CACNA1E: variants seen among roughly 807,000 people sequenced by gnomAD.
CACNA1E encodes the protein voltage-dependent R-type calcium channel subunit alpha-1E.
In CACNA1E, 40 loss-of-function variants were observed where a neutral mutation model predicts 259.2. The ratio of observed to expected loss-of-function variants is 0.15; its 90% confidence interval spans 0.12 to 0.20. CACNA1E has a LOEUF of 0.20. Among genes scored for constraint, CACNA1E ranks in the 10% least tolerant of loss-of-function variants. The pLI, the probability that CACNA1E is intolerant of heterozygous loss-of-function variation, is 1.00. For synonymous variants in CACNA1E, 1,104 were observed against 1,138.5 expected (o/e 0.97, Z 0.61); for missense variants, 1,874 against 3,040.1 (o/e 0.62, Z 9.02).
intron 38 of CACNA1E, among the ~76,000 whole-genome samples, chr1:181,778,730 G>T (rs960598677): frequency 6.6e-6 from 1 of 152,190 alleles, no homozygotes; most frequent in Admixed American, 6.5e-5. Context: ...CCAAGCTGCT[G>T]TTGGCTGAGT....
In CACNA1E at chr1:181,732,542, C is replaced by T. The variant is rs866117834; in HGVS notation, c.2456C>T (p.Pro819Leu). Reference sequence around the variant, plus strand: ...CTCAACCCGCTCAGCTCCCTCAACCCGCTCAATGCCCACCCCAGCCTTTAT... The same window carrying T: ...CTCAACCCGCTCAGCTCCCTCAACCTGCTCAATGCCCACCCCAGCCTTTAT... ...NPLNPLSSLN[P>L]LNAHPSLYRR... Residue 819 changes from proline to leucine, a missense_variant, in exon 20 of 48, where the codon CCG becomes CTG. Around this residue, in one of 14 missense-constraint regions of CACNA1E, gnomAD observed 476 missense variants for 514.0 expected, o/e 0.93. Transcript: ENST00000367573. This position sits in a 1 kb window ranked among gnomAD's most constrained non-coding sequence, Gnocchi z 5.5. 4.9e-5 allele frequency: 76 copies of T among 1,550,152 alleles called. No individual in the cohort carries two copies. Among genetic ancestry groups the T allele is most frequent in the Middle Eastern group, 1.7e-4 (1 of 6,006 alleles).
At chr1:181,405,867 A>C (rs1188479919) in intron 1 of CACNA1E, among the ~76,000 whole-genome samples, 1 of 152,162 alleles carries the variant, frequency 6.6e-6, no homozygotes, top group Non-Finnish European at 1.5e-5. Context: ...TGGAGAGAAA[A>C]AGAGTTTAGG....
rs139250846 is a variant in CACNA1E, at chr1:181,516,820, A to G, written c.512+5310A>G. ...TCTATTTTCCTAAGAAAACCCCCAA[A>G]TCAGCTCAAAATATGCTCTTTCCTG... On this transcript the variant is annotated intron_variant, in intron 3 of 47. Coordinates refer to ENST00000367573, the MANE Select transcript of CACNA1E (RefSeq NM_001205293.3). Among the ~76,000 whole-genome samples, 296 of 152,308 alleles carry G rather than the reference A, an allele frequency of 1.9e-3. 2 individuals carry two copies. Among genetic ancestry groups the G allele is most frequent in the African/African-American group, 6.6e-3 (276 of 41,564 alleles).
At chr1:181,740,181 C>T (rs1656429938) in intron 25 of CACNA1E, among the ~76,000 whole-genome samples, 1 of 152,162 alleles carries the variant, frequency 6.6e-6, no homozygotes, top group African/African-American at 2.4e-5. Context: ...AAGTGGAAGC[C>T]TCATCTTTAG....
intron 2 of CACNA1E, among the ~76,000 whole-genome samples, chr1:181,416,810 G>T (rs1441177030): frequency 1.3e-5 from 2 of 152,078 alleles, no homozygotes; most frequent in Non-Finnish European, 2.9e-5. Context: ...ACCCCTCGTT[G>T]CCACCATCTA....
At chr1:181,335,730 G>T (rs561572769) in intron 1 of CACNA1E, among the ~76,000 whole-genome samples, 4 of 152,200 alleles carry the variant, frequency 2.6e-5, no homozygotes, top group African/African-American at 9.6e-5. Context: ...TGGAAATCAT[G>T]TCTGTAATTT....
At chr1:181,548,903 C>T (rs1345803391) in intron 3 of CACNA1E, among the ~76,000 whole-genome samples, 1 of 152,172 alleles carries the variant, frequency 6.6e-6, no homozygotes, top group African/African-American at 2.4e-5. Flanking sequence ...ATTGTTTTCT[C>T]TGTGGCACAG....
intron 17 of CACNA1E, 129 bp downstream of exon 17, chr1:181,724,666 C>G: frequency 2.8e-6 from 2 of 722,894 alleles, no homozygotes; most frequent in Non-Finnish European, 4.7e-6. Context: ...CTGGAAACTT[C>G]TGGACAGTTG....
At chr1:181,363,509 G>A (rs1654042704) in intron 1 of CACNA1E, among the ~76,000 whole-genome samples, 1 of 152,162 alleles carries the variant, frequency 6.6e-6, no homozygotes, top group South Asian at 2.1e-4. Context: ...CAGAGGTAAG[G>A]GACTAGAGGG....
intron 1 of CACNA1E, among the ~76,000 whole-genome samples, chr1:181,410,310 G>C (rs1221025494): frequency 1.3e-5 from 2 of 152,214 alleles, no homozygotes; most frequent in East Asian, 3.8e-4. Flanking sequence ...TCCTTACCAA[G>C]CTCATTCTGG....
chr1:181,350,369 A>C (rs966606556), intron 1 of CACNA1E, among the ~76,000 whole-genome samples: 11 of 152,158 alleles, frequency 7.2e-5, no homozygotes, highest in Admixed American at 3.3e-4. Flanking sequence ...GAACAGGGCA[A>C]AAAGGAGATC....
intron 2 of CACNA1E, among the ~76,000 whole-genome samples, chr1:181,475,485 G>A (rs1217607022): frequency 6.6e-6 from 1 of 152,204 alleles, no homozygotes; most frequent in Admixed American, 6.5e-5. Context: ...GGATGCCTAG[G>A]AGTGGGAGAA....
rs376498961 is a variant in CACNA1E, at chr1:181,403,913, T to C, written c.-14-9220T>C. On this transcript the variant is annotated intron_variant, in intron 1 of 11. Transcript: ENST00000524607. ...CAGGCTTATCCTCAGCTGGCAGTGA[T>C]GTGGTGGCAGCGGTTTCACAGTTTG... Among the ~76,000 whole-genome samples the C allele has an allele frequency of 1.3e-4, 20 of 152,188 alleles. 1 individual carries two copies. The highest frequency in any genetic ancestry group is 1.3e-3 in the Admixed American group (20 of 15,284).
intron 1 of CACNA1E, among the ~76,000 whole-genome samples, chr1:181,325,367 G>C (rs971302972): frequency 6.6e-6 from 1 of 152,174 alleles, no homozygotes; most frequent in African/African-American, 2.4e-5. Flanking sequence ...AGACCAGTCT[G>C]GGGGTACATG....
At chr1:181,523,192 G>A (rs1391287860) in intron 3 of CACNA1E, among the ~76,000 whole-genome samples, 3 of 152,142 alleles carry the variant, frequency 2.0e-5, no homozygotes, top group Non-Finnish European at 4.4e-5. Flanking sequence ...ATCTGATCAG[G>A]TCAAAGTTTG....
At chr1:181,696,775 A>G (rs897126364) in intron 7 of CACNA1E, among the ~76,000 whole-genome samples, 2 of 152,206 alleles carry the variant, frequency 1.3e-5, no homozygotes, top group Non-Finnish European at 1.5e-5. Context: ...ACTTGGGTTC[A>G]TTGTAATGTT....
chr1:181,441,794 T>C (rs780044661), intron 2 of CACNA1E, among the ~76,000 whole-genome samples: 2 of 152,164 alleles, frequency 1.3e-5, no homozygotes, highest in Non-Finnish European at 2.9e-5. Context: ...GGAGGCAAAC[T>C]CTTGTGTCTT....
intron 2 of CACNA1E, among the ~76,000 whole-genome samples, chr1:181,425,096 A>AT (rs1420927028): frequency 4.6e-5 from 7 of 152,074 alleles, no homozygotes; most frequent in South Asian, 4.2e-4. Flanking sequence ...CAGAAGAGAT[A>AT]TTTTTTCTTC....
intron 6 of CACNA1E, among the ~76,000 whole-genome samples, chr1:181,595,868 A>C (rs886131838): frequency 6.6e-6 from 1 of 152,138 alleles, no homozygotes; most frequent in Non-Finnish European, 1.5e-5. Context: ...TCAGCACACC[A>C]TGCCTGGGAA....
Sources: allele counts gnomAD v4.1 joint callset (sites outside exome capture counted in the v4.1 genomes callset), GRCh38; gene constraint gnomAD v4.1.1; regional missense constraint gnomAD v4.1.1; non-coding constraint Gnocchi (gnomAD v3.1); transcripts MANE v1.5; gene names NCBI Gene and HGNC (gene_info 2026-07-23, HGNC 2026-07-21).